The following ZNF268 variants were observed in gnomAD, a reference collection of about 807,000 sequenced individuals.
ZNF268 encodes the protein zinc finger protein 3.
In ZNF268, 20 loss-of-function variants were observed where a neutral mutation model predicts 29.3. The observed-to-expected ratio is 0.68, with a 90% CI of 0.48 to 0.99. The LOEUF is 0.99. Among genes scored for constraint, ZNF268 ranks in the 50% least tolerant of loss-of-function variants. ZNF268 has a pLI of 0.00. For synonymous variants in ZNF268, 429 were observed against 376.9 expected, an observed-to-expected ratio of 1.14 and a Z score of -1.60; for missense variants, 1,240 against 1,121.6, an observed-to-expected ratio of 1.11 and a Z score of -1.51.
At position 133,203,005 on chromosome 12, in the gene ZNF268, G is replaced by T; in HGVS notation, c.1319G>T (p.Gly440Val). The T allele has an allele frequency of 6.5e-7, 1 of 1,548,204 alleles. No homozygotes were observed. Among genetic ancestry groups the T allele is most frequent in the South Asian group, 1.2e-5 (1 of 84,884 alleles). Residue 440 changes from glycine to valine, a missense_variant, in exon 6 of 6, where the codon GGG (glycine) becomes GTG (valine). Coordinates refer to ENST00000536435, the MANE Select transcript of ZNF268 (RefSeq NM_003415.3). ...ATGGTACATCAGAGAACCCATACAG[G>T]GGAGAAACCTTATGTTTGTAGTGAT... is the stretch of plus-strand genomic sequence containing the variant. ...NLMVHQRTHT[G>V]EKPYVCSDCG...
chr12:133,203,658 C>T lies in ZNF268; in HGVS notation c.1972C>T (p.His658Tyr), dbSNP rs1414317468. Residue 658 changes from histidine (H) to tyrosine (Y), a missense_variant, in exon 6 of 6, where the codon CAT becomes TAT. Physicochemically the swap from His to Tyr is moderately conservative, Grantham distance 83. Around this residue, in one of 3 missense-constraint regions of ZNF268, gnomAD observed 1,177 missense variants for 1,039.6 expected, o/e 1.13. Transcript: ENST00000536435. ...TACGTTCAAATCACAGCTCATTGTACATAAAGGAGTGCACACTGGAGTAAA... is the reference window on the plus strand; with the variant it reads ...TACGTTCAAATCACAGCTCATTGTATATAAAGGAGTGCACACTGGAGTAAA... ...AFTFKSQLIV[H>Y]KGVHTGVKPY... is the part of the protein sequence containing the mutation. 1 of 1,553,306 alleles carries T rather than the reference C, an allele frequency of 6.4e-7. No individual in the cohort carries two copies. The highest frequency in any genetic ancestry group is 8.7e-7 in the Non-Finnish European group (1 of 1,154,048).
At chr12:133,187,080 T>C (rs1360801575) in intron 2 of ZNF268, among the ~76,000 whole-genome samples, 1 of 152,214 alleles carries the variant, frequency 6.6e-6, no homozygotes, top group Non-Finnish European at 1.5e-5. Context: ...TTTCAACCAG[T>C]TATGTAGTTA....
rs1956901022 is a variant in ZNF268, at chr12:133,206,517, C to G, written c.*1987C>G. 1.3e-5 allele frequency: 2 copies of G among 152,152 alleles called. No individual in the cohort carries two copies. The highest frequency in any genetic ancestry group is 4.1e-4 in the South Asian group (2 of 4,836). 9.4% of individuals were successfully genotyped at this position (152,152 alleles called of 1,614,324 possible). ...CTCACAAAGTTAGTTTTCTTCACTA[C>G]CTCATCAGGTTTGTTATGTGAGTGG... On this transcript the variant is annotated 3_prime_UTR_variant, in exon 6 of 6. Transcript: ENST00000536435.
Position 133,203,677 on chromosome 12 carries a change from G to C in ZNF268, c.1991G>C (p.Gly664Ala), listed in dbSNP as rs778300617. 3 of 1,549,580 alleles carry C rather than the reference G, an allele frequency of 1.9e-6. No individual in the cohort carries two copies. The highest frequency in any genetic ancestry group is 2.6e-6 in the Non-Finnish European group (3 of 1,152,914). The change falls in exon 6 of 6, where the codon GGA (glycine) becomes GCA (alanine). Residue 664 changes from glycine to alanine, a missense_variant. Gly to Ala is a moderately conservative substitution (Grantham distance 60, BLOSUM62 0). Coordinates refer to ENST00000536435, the MANE Select transcript of ZNF268 (RefSeq NM_003415.3). Reference sequence around the variant, plus strand: ...ATTGTACATAAAGGAGTGCACACTGGAGTAAAACCCTATGGATGCAGTCAA... The same window carrying C: ...ATTGTACATAAAGGAGTGCACACTGCAGTAAAACCCTATGGATGCAGTCAA... ...QLIVHKGVHT[G>A]VKPYGCSQCA...
chr12:133,182,664 A>G (rs1426694819), intron 2 of ZNF268, among the ~76,000 whole-genome samples: 1 of 152,208 alleles, frequency 6.6e-6, no homozygotes, highest in Non-Finnish European at 1.5e-5. Context: ...TTGAAAGATG[A>G]CAAACCTAAA....
chr12:133,203,494 A>G lies in ZNF268; in HGVS notation c.1808A>G (p.Gln603Arg), dbSNP rs760910742. Reference sequence around the variant, plus strand: ...TTAAAGTCACAGCTTATTATACACCAGAGAACTCATACAGGGGAGAAACCA... The same window carrying G: ...TTAAAGTCACAGCTTATTATACACCGGAGAACTCATACAGGGGAGAAACCA... ...FGLKSQLIIHQRTHTGEKPFE... is the reference protein window; with the variant it reads ...FGLKSQLIIHRRTHTGEKPFE... Residue 603 changes from glutamine (Q) to arginine (R), a missense_variant, in exon 6 of 6, where the codon CAG becomes CGG. Around this residue, in one of 3 missense-constraint regions of ZNF268, gnomAD observed 1,177 missense variants for 1,039.6 expected, o/e 1.13. Coordinates refer to ENST00000536435, the MANE Select transcript of ZNF268 (RefSeq NM_003415.3). 1.3e-6 allele frequency: 2 copies of G among 1,543,628 alleles called. No individual in the cohort carries two copies. The highest frequency in any genetic ancestry group is 2.4e-5 in the South Asian group (2 of 84,374).
intron 5 of ZNF268, among the ~76,000 whole-genome samples, chr12:133,195,497 G>A (rs993947697): frequency 6.6e-6 from 1 of 152,120 alleles, no homozygotes; most frequent in Non-Finnish European, 1.5e-5. Flanking sequence ...TTGAGGCCAG[G>A]AGCTTAAGAC....
chr12:133,193,985 G>T (rs142590356), intron 5 of ZNF268, among the ~76,000 whole-genome samples: 19 of 151,978 alleles, frequency 1.3e-4, no homozygotes, highest in African/African-American at 2.4e-4. Context: ...TCCTTTCTGT[G>T]CAGGGCTCCC....
intron 3 of ZNF268, among the ~76,000 whole-genome samples, chr12:133,191,172 C>T (rs898733407): frequency 5.3e-5 from 8 of 151,988 alleles, no homozygotes; most frequent in Admixed American, 4.6e-4. Flanking sequence ...AAAAAATCAG[C>T]CGGACTTGGT....
chr12:133,197,966 T>G (rs1956653032), intron 5 of ZNF268, among the ~76,000 whole-genome samples: 1 of 152,186 alleles, frequency 6.6e-6, no homozygotes, highest in Non-Finnish European at 1.5e-5. Context: ...TGTGAAAATT[T>G]TCTCCCATTC....
chr12:133,193,818 C>T lies in ZNF268; in HGVS notation c.457+1815C>T, dbSNP rs532065329. Among the ~76,000 whole-genome samples, 83 of 152,254 alleles carry T rather than the reference C, an allele frequency of 5.5e-4. 1 individual carries two copies. Among genetic ancestry groups the T allele is most frequent in the African/African-American group, 1.7e-3 (71 of 41,546 alleles). ...GTTTTGATTGATTCACTGGCATCTC[C>T]CTCATACCACTCCCTGGCCTCGTTT... On this transcript the variant is annotated intron_variant, in intron 5 of 5. Transcript: ENST00000536435.
At chr12:133,183,174 C>T (rs997489793) in intron 2 of ZNF268, among the ~76,000 whole-genome samples, 2 of 152,184 alleles carry the variant, frequency 1.3e-5, no homozygotes, top group African/African-American at 4.8e-5. Context: ...ACTGCCCGTC[C>T]ATGGAAAAAT....
At chr12:133,182,901 G>A (rs1410749933) in intron 2 of ZNF268, among the ~76,000 whole-genome samples, 1 of 152,154 alleles carries the variant, frequency 6.6e-6, no homozygotes. Flanking sequence ...CATAGGGCAG[G>A]TGGTCCCCAA....
intron 3 of ZNF268, among the ~76,000 whole-genome samples, chr12:133,188,601 A>T (rs1956383777): frequency 6.6e-6 from 1 of 152,138 alleles, no homozygotes. Context: ...TCCCATCCCC[A>T]AAAAGTTATT....
Position 133,204,519 on chromosome 12 carries a change from G to T in ZNF268, c.2833G>T (p.Asp945Tyr). 1 of 1,498,654 alleles carries T rather than the reference G, an allele frequency of 6.7e-7. No homozygotes were observed. Among genetic ancestry groups the T allele is most frequent in the Non-Finnish European group, 8.8e-7 (1 of 1,130,176 alleles). The allele number at this position is 1,498,654 out of a possible 1,614,324, so 92.8% of individuals were successfully genotyped here. A position where few individuals can be genotyped will look rare whatever the true frequency, so the allele number is the denominator to read the frequency against. The change falls in exon 6 of 6, where the codon GAC becomes TAC. Residue 945 changes from aspartate (D) to tyrosine (Y), a missense_variant. By Grantham distance (160) the Asp-to-Tyr change is radical. This residue lies in a region of ZNF268 where 1,177 missense variants were observed against 1,039.6 expected (regional missense o/e 1.13). Transcript: ENST00000536435. ...TATGCATCAGAGAACTCATGTAGATGACAAACATTGATAATTTTACGAAAC... is the reference window on the plus strand; with the variant it reads ...TATGCATCAGAGAACTCATGTAGATTACAAACATTGATAATTTTACGAAAC... ...LIMHQRTHVD[D>Y]KH
chr12:133,197,194 C>G (rs1379944793), intron 5 of ZNF268, among the ~76,000 whole-genome samples: 1 of 114,764 alleles, frequency 8.7e-6, no homozygotes, highest in African/African-American at 3.3e-5. Context: ...CCCCTCCCCC[C>G]ACCCCACAAC....
Position 133,203,093 on chromosome 12 carries a change from A to G in ZNF268, c.1407A>G (p.Val469=), listed in dbSNP as rs1956795670. Residue 469 remains valine (V), a synonymous_variant, in exon 6 of 6, where the codon GTA becomes GTG. Transcript: ENST00000536435. The stretch of plus-strand genomic sequence containing the variant: ...TACATCAGGGGATTCACACAGGAGT[A>G]AAGCCCTATGGGTGTATTCAGTGTG... ...LIVHQGIHTG[V]KPYGCIQCGK... The G allele has an allele frequency of 8.5e-6, 13 of 1,537,500 alleles. No homozygotes were observed. The highest frequency in any genetic ancestry group is 1.1e-5 in the Non-Finnish European group (13 of 1,146,854).
rs1411531319 is a variant in ZNF268, at chr12:133,204,342, C to A, written c.2656C>A (p.His886Asn). ...TCAACTCATTGTACATCAAAGAACT[C>A]ATTCAGGAGAGAAACCCTATGGGTG... ...NSQLIVHQRT[H>N]SGEKPYGCNE... The change falls in exon 6 of 6, where the codon CAT becomes AAT. Residue 886 changes from histidine (H) to asparagine (N), a missense_variant. His to Asn is a moderately conservative substitution (Grantham distance 68, BLOSUM62 1). Coordinates refer to ENST00000536435, the MANE Select transcript of ZNF268 (RefSeq NM_003415.3). 3.2e-6 allele frequency: 5 copies of A among 1,568,612 alleles called. No homozygotes were observed. Among genetic ancestry groups the A allele is most frequent in the Admixed American group, 3.7e-5 (2 of 53,622 alleles).
At position 133,202,855 on chromosome 12, in the gene ZNF268, G is replaced by T; in HGVS notation, c.1169G>T (p.Cys390Phe). 1 of 1,578,704 alleles carries T rather than the reference G, an allele frequency of 6.3e-7. No homozygotes were observed. The stretch of plus-strand genomic sequence containing the variant: ...CATTCAGGACAGAAACCATATGTGT[G>T]TAATGAATGTGGGAAAGCTTTTGGT... ...KTHSGQKPYV[C>F]NECGKAFGLK... The change falls in exon 6 of 6, where the codon TGT becomes TTT. Residue 390 changes from cysteine to phenylalanine, a missense_variant. Cys to Phe is a radical substitution (Grantham distance 205, BLOSUM62 -2). This residue lies in a region of ZNF268 where 1,177 missense variants were observed against 1,039.6 expected (regional missense o/e 1.13). Transcript: ENST00000536435.
Sources: allele counts gnomAD v4.1 joint callset (sites outside exome capture counted in the v4.1 genomes callset), GRCh38; gene constraint gnomAD v4.1.1; regional missense constraint gnomAD v4.1.1; transcripts MANE v1.5; gene names NCBI Gene and HGNC (gene_info 2026-07-23, HGNC 2026-07-21).